Variants in SPAG16 observed in about 807,000 individuals in gnomAD.
SPAG16 encodes the protein sperm associated antigen 16.
Under a neutral mutation model 80.4 loss-of-function variants are expected in SPAG16, and 86 were observed. That is an observed-to-expected ratio of 1.07 (90% CI 0.90 to 1.28). SPAG16 has a LOEUF of 1.28. Ranked by LOEUF, SPAG16 falls within the 50% of genes most tolerant of loss-of-function variation. The pLI, the probability that SPAG16 is intolerant of heterozygous loss-of-function variation, is 0.00. For synonymous variants in SPAG16, 294 were observed against 265.9 expected (o/e 1.11, Z -1.03); for missense variants, 870 against 765.3 (o/e 1.14, Z -1.61).
At chr2:213,472,930 G>T (rs185538516) in intron 9 of SPAG16, among the ~76,000 whole-genome samples, 1 of 152,198 alleles carries the variant, frequency 6.6e-6, no homozygotes, top group Non-Finnish European at 1.5e-5. Context: ...ATGGGAGAAA[G>T]ATTAACAGCA....
chr2:214,276,855 G>T (rs1028115296), intron 15 of SPAG16, among the ~76,000 whole-genome samples: 1 of 152,070 alleles, frequency 6.6e-6, no homozygotes, highest in Non-Finnish European at 1.5e-5. Flanking sequence ...TAGGTTGGGG[G>T]AGTTCTCCTG....
At chr2:214,055,304 A>T (rs1320293744) in intron 13 of SPAG16, among the ~76,000 whole-genome samples, 1 of 152,174 alleles carries the variant, frequency 6.6e-6, no homozygotes, top group Non-Finnish European at 1.5e-5. Context: ...CATGAATCCT[A>T]TAAACTAATG....
At chr2:214,088,324 A>T (rs1265175097) in intron 13 of SPAG16, among the ~76,000 whole-genome samples, 1 of 149,198 alleles carries the variant, frequency 6.7e-6, no homozygotes, top group Non-Finnish European at 1.5e-5. Flanking sequence ...CTTACTTAAC[A>T]TCTGCATATG....
chr2:214,241,057 A>T (rs1689430739), intron 15 of SPAG16: 4 of 146,712 alleles, frequency 2.7e-5, no homozygotes. Flanking sequence ...ACATCTTTCT[A>T]AAAAAATGAA....
At position 214,223,236 on chromosome 2, in the gene SPAG16, G is replaced by T. The variant is rs1352818569; in HGVS notation, c.1720+73970G>T. 2.6e-5 allele frequency among the ~76,000 whole-genome samples: 4 copies of T among 152,078 alleles called. No individual in the cohort carries two copies. In the East Asian group the frequency reaches 5.8e-4, roughly 22 times the overall value. Reference sequence around the variant, plus strand: ...TGAAAGTTCTTGAGAAAGGGTTGAAGCATATAGGTCATTAGCAAAAAGCTG... The same window carrying T: ...TGAAAGTTCTTGAGAAAGGGTTGAATCATATAGGTCATTAGCAAAAAGCTG... On this transcript the variant is annotated intron_variant, in intron 15 of 15. Transcript: ENST00000331683.
At chr2:214,319,225 A>ACACACACACACACACACACACAC (rs1189650614) in intron 15 of SPAG16, among the ~76,000 whole-genome samples, 403 of 20,188 alleles carry the variant, frequency 0.02, 6 homozygotes, top group African/African-American at 0.031. Flanking sequence ...CACACACACA[A>ACACACACACACACACACACACAC]GAAGTGTAGA....
intron 12 of SPAG16, among the ~76,000 whole-genome samples, chr2:213,986,306 G>A (rs1423921374): frequency 6.6e-6 from 1 of 151,786 alleles, no homozygotes; most frequent in Non-Finnish European, 1.5e-5. Flanking sequence ...AAGATTGGCT[G>A]GACTATATTT....
intron 15 of SPAG16, among the ~76,000 whole-genome samples, chr2:214,267,476 A>C (rs2125885153): frequency 6.6e-6 from 1 of 151,938 alleles, no homozygotes; most frequent in African/African-American, 2.4e-5. Context: ...CTTATTTCAA[A>C]CCTTGTATAA....
chr2:214,206,981 C>T (rs2058163383), intron 15 of SPAG16, among the ~76,000 whole-genome samples: 1 of 151,906 alleles, frequency 6.6e-6, no homozygotes, highest in Non-Finnish European at 1.5e-5. Flanking sequence ...AAAACCATTG[C>T]CAGAGGTTTG....
At chr2:213,825,740 G>A (rs191396797) in intron 10 of SPAG16, among the ~76,000 whole-genome samples, 23 of 119,348 alleles carry the variant, frequency 1.9e-4, no homozygotes, top group South Asian at 9.4e-4. Flanking sequence ...TCTTTGTTTC[G>A]TTTAGGTATC....
chr2:214,228,472 A>C (rs1474047324), intron 15 of SPAG16, among the ~76,000 whole-genome samples: 1 of 151,866 alleles, frequency 6.6e-6, no homozygotes, highest in African/African-American at 2.4e-5. Context: ...CATAGTTAGG[A>C]GAGGGAATAG....
intron 10 of SPAG16, among the ~76,000 whole-genome samples, chr2:213,519,240 A>G (rs2075566103): frequency 6.6e-6 from 1 of 152,208 alleles, no homozygotes; most frequent in Non-Finnish European, 1.5e-5. Flanking sequence ...TTTTCTACTG[A>G]TTCATACCCT....
intron 6 of SPAG16, among the ~76,000 whole-genome samples, chr2:213,341,965 A>G (rs1452951471): frequency 6.6e-6 from 1 of 152,268 alleles, no homozygotes; most frequent in African/African-American, 2.4e-5. Flanking sequence ...TAAAATAGAC[A>G]CACCCTTTAA....
intron 10 of SPAG16, among the ~76,000 whole-genome samples, chr2:213,789,356 T>C (rs1276563672): frequency 6.6e-6 from 1 of 151,928 alleles, no homozygotes; most frequent in East Asian, 1.9e-4. Context: ...TGCTTTATCA[T>C]TGAGATTTTC....
Position 213,894,573 on chromosome 2 carries a change from A to AG in SPAG16, c.1214+31945_1214+31946insG, listed in dbSNP as rs1177274232. ...ACTTACCACTTTACCACTCTTATTC[A>AG]AAACAGTACTGGAAACCCTGGCCAG... On this transcript the variant is annotated intron_variant, in intron 11 of 15. Transcript: ENST00000331683. Among the ~76,000 whole-genome samples the AG allele has an allele frequency of 3.3e-5, 5 of 152,338 alleles. No individual in the cohort carries two copies. The South Asian group carries it at 1.0e-3, about 32-fold the overall frequency.
intron 15 of SPAG16, among the ~76,000 whole-genome samples, chr2:214,288,054 A>T (rs1320843676): frequency 2.0e-5 from 3 of 152,054 alleles, no homozygotes; most frequent in Non-Finnish European, 4.4e-5. Context: ...CCCACTAATC[A>T]ACCTTGGTTT....
chr2:213,469,186 T>C (rs1185425513), intron 9 of SPAG16, among the ~76,000 whole-genome samples: 2 of 152,040 alleles, frequency 1.3e-5, no homozygotes, highest in Admixed American at 1.3e-4. Flanking sequence ...CATACACATG[T>C]CCTGAGATTA....
At chr2:213,583,901 A>G (rs2060378554) in intron 10 of SPAG16, among the ~76,000 whole-genome samples, 1 of 152,210 alleles carries the variant, frequency 6.6e-6, no homozygotes, top group Non-Finnish European at 1.5e-5. Flanking sequence ...TTATGTTTCA[A>G]AAGGTAGCAA....
chr2:214,140,952 G>T (rs1559839243), intron 14 of SPAG16, among the ~76,000 whole-genome samples: 3 of 88,206 alleles, frequency 3.4e-5, no homozygotes, highest in Non-Finnish European at 6.9e-5. Context: ...GGGGGTGGGG[G>T]GTGGGGGGAT....
Sources: allele counts gnomAD v4.1 joint callset (sites outside exome capture counted in the v4.1 genomes callset), GRCh38; gene constraint gnomAD v4.1.1; transcripts MANE v1.5; gene names NCBI Gene and HGNC (gene_info 2026-07-23, HGNC 2026-07-21).